NRG4: variants seen among roughly 807,000 people sequenced by gnomAD.
NRG4 encodes pro-neuregulin-4, membrane-bound isoform.
Under a neutral mutation model 15.0 loss-of-function variants are expected in NRG4, and 10 were observed. That is an observed-to-expected ratio of 0.67 (90% CI 0.41 to 1.13). The LOEUF (loss-of-function observed/expected upper bound fraction) is 1.13, where lower values mean the gene tolerates loss of function less well. NRG4 is among the 50% of genes most tolerant of loss of function. NRG4 has a pLI of 0.00. For synonymous variants in NRG4, 41 were observed against 50.1 expected (o/e 0.82, Z 0.77); for missense variants, 139 against 140.2 (o/e 0.99, Z 0.04).
intron 3 of NRG4, among the ~76,000 whole-genome samples, chr15:75,995,022 C>T (rs2034159237): frequency 6.6e-6 from 1 of 151,806 alleles, no homozygotes; most frequent in South Asian, 2.1e-4. Flanking sequence ...GACTCTGTCT[C>T]TACAATAAAT....
intron 4 of NRG4, among the ~76,000 whole-genome samples, chr15:75,959,845 A>T (rs2032430433): frequency 6.6e-6 from 1 of 152,098 alleles, no homozygotes; most frequent in Admixed American, 6.6e-5. Flanking sequence ...GTCAGTAGTG[A>T]TGTGTGTCAC....
At chr15:76,054,663 A>AT (rs944162151) in intron 2 of NRG4, among the ~76,000 whole-genome samples, 7 of 152,064 alleles carry the variant, frequency 4.6e-5, no homozygotes, top group Admixed American at 1.3e-4. Flanking sequence ...CAGAGGGATC[A>AT]TTTTTTTATT....
intron 4 of NRG4, chr15:76,036,093 T>A (rs1401358892): frequency 6.6e-6 from 1 of 152,210 alleles, no homozygotes; most frequent in African/African-American, 2.4e-5. Flanking sequence ...CATATTAGGT[T>A]TATAAGGTTG....
intron 3 of NRG4, among the ~76,000 whole-genome samples, chr15:75,984,990 A>C (rs1423087775): frequency 6.6e-6 from 1 of 152,048 alleles, no homozygotes; most frequent in Non-Finnish European, 1.5e-5. Context: ...GACTACAGGC[A>C]CGCCTCACCA....
At chr15:75,981,976 C>T (rs996331532) in intron 3 of NRG4, among the ~76,000 whole-genome samples, 2 of 151,578 alleles carry the variant, frequency 1.3e-5, no homozygotes, top group Non-Finnish European at 2.9e-5. Context: ...GACTGATTTA[C>T]AGAGAAGAAA....
chr15:75,943,653 A>T lies in NRG4; in HGVS notation c.333T>A (p.Ser111Arg), dbSNP rs2031224325. The T allele has an allele frequency of 6.4e-7, 1 of 1,570,438 alleles. No individual in the cohort carries two copies. Among genetic ancestry groups the T allele is most frequent in the African/African-American group, 1.3e-5 (1 of 74,100 alleles). ...TGACGTTTCTTCAGTGTTGTTCATG[A>T]CCTGTGAAAAATAAGTAAGAATTAA... ...VETSSTSAHH[S>R]HEQH The change falls in exon 6 of 6, where the codon AGT becomes AGA. Residue 111 changes from serine to arginine, a missense_variant and splice_region_variant. Physicochemically the swap from Ser to Arg is moderately radical, Grantham distance 110. Transcript: ENST00000394907.
At chr15:75,944,053 A>C (rs1393057785) in intron 5 of NRG4, among the ~76,000 whole-genome samples, 1 of 151,812 alleles carries the variant, frequency 6.6e-6, no homozygotes, top group Admixed American at 6.5e-5. Context: ...AATGACAATA[A>C]TAGATGGCAA....
chr15:76,037,534 C>T (rs1301486215), intron 4 of NRG4, among the ~76,000 whole-genome samples: 1 of 152,178 alleles, frequency 6.6e-6, no homozygotes, highest in Non-Finnish European at 1.5e-5. Context: ...AATCACCCAT[C>T]CCAGCAGCTG....
chr15:76,055,415 G>T (rs1011897171), intron 2 of NRG4, among the ~76,000 whole-genome samples: 1 of 152,132 alleles, frequency 6.6e-6, no homozygotes, highest in Non-Finnish European at 1.5e-5. Context: ...AAGTAATCAA[G>T]TTCTGTCTCT....
intron 3 of NRG4, among the ~76,000 whole-genome samples, chr15:76,007,633 G>T (rs917189141): frequency 1.3e-5 from 2 of 152,064 alleles, no homozygotes; most frequent in East Asian, 3.9e-4. Context: ...GTTTCACCGT[G>T]TTAGCCAGGG....
rs2034398619 is a variant in NRG4, at chr15:76,001,148, G to A, written c.104+8052C>T. On this transcript the variant is annotated intron_variant, in intron 3 of 5. Coordinates refer to ENST00000394907, the MANE Select transcript of NRG4 (RefSeq NM_138573.4). Reference sequence around the variant, plus strand: ...CTGTCAGCACACGCCACCACACCTGGTATTTTTTTTGTTTTGTTTTGTTTG... The same window carrying A: ...CTGTCAGCACACGCCACCACACCTGATATTTTTTTTGTTTTGTTTTGTTTG... 2.6e-5 allele frequency among the ~76,000 whole-genome samples: 4 copies of A among 151,824 alleles called. No individual in the cohort carries two copies. The South Asian group carries it at 8.3e-4, about 32-fold the overall frequency.
upstream of NRG4, among the ~76,000 whole-genome samples, chr15:76,014,157 G>A (rs115399605): frequency 0.013 from 1,969 of 152,252 alleles, 39 homozygotes; most frequent in African/African-American, 0.046. Flanking sequence ...AAGACTGTCT[G>A]TTCATATCCT....
At chr15:75,995,381 G>A (rs1468301248) in intron 3 of NRG4, among the ~76,000 whole-genome samples, 1 of 151,980 alleles carries the variant, frequency 6.6e-6, no homozygotes, top group Non-Finnish European at 1.5e-5. Context: ...AGAGAGAAAA[G>A]GGGAAGACCA....
chr15:76,005,825 AAG>A (rs1330576224), intron 3 of NRG4: 2 of 411,674 alleles, frequency 4.9e-6, no homozygotes, highest in East Asian at 7.1e-5. Context: ...GAGGAGGAGA[AAG>A]AGGAGGAGTT....
intron 2 of NRG4, among the ~76,000 whole-genome samples, chr15:76,054,985 T>G (rs750995268): frequency 1.5e-4 from 23 of 151,970 alleles, no homozygotes; most frequent in Non-Finnish European, 2.8e-4. Context: ...TTGAATTCAA[T>G]TATTCAAGAG....
chr15:75,941,990 A>C lies in NRG4; in HGVS notation c.*1648T>G, dbSNP rs190650850. The C allele has an allele frequency of 3.2e-3, 465 of 143,508 alleles. 1 individual carries two copies. Among genetic ancestry groups the C allele is most frequent in the African/African-American group, 0.011 (445 of 38,872 alleles). 8.9% of individuals were successfully genotyped at this position (143,508 alleles called of 1,614,324 possible). On this transcript the variant is annotated 3_prime_UTR_variant, in exon 6 of 6. Transcript: ENST00000394907. ...GGCCTAGCTTTTTTTTTTTTTTTTA[A>C]AAAGGGCAGGGGGTGGGGTATTTAG...
At chr15:76,025,154 C>T (rs964711167) in intron 5 of NRG4, among the ~76,000 whole-genome samples, 3 of 152,132 alleles carry the variant, frequency 2.0e-5, no homozygotes, top group Non-Finnish European at 2.9e-5. Flanking sequence ...TATAGATAGA[C>T]AGGGGCTGGG....
intron 5 of NRG4, among the ~76,000 whole-genome samples, chr15:76,018,748 G>A: frequency 6.6e-6 from 1 of 152,190 alleles, no homozygotes; most frequent in East Asian, 1.9e-4. Context: ...GAGCTCTCCT[G>A]TATGAGGTGT....
intron 3 of NRG4, among the ~76,000 whole-genome samples, chr15:75,993,694 T>C (rs918181530): frequency 1.4e-5 from 2 of 148,064 alleles, no homozygotes; most frequent in Non-Finnish European, 3.0e-5. Context: ...TGAGACTCAC[T>C]CTCAAAAAAA....
Sources: gnomAD v4.1 joint callset for allele counts (sites outside exome capture counted in the v4.1 genomes callset) on GRCh38, gnomAD v4.1.1 for gene constraint, MANE v1.5 for transcripts, NCBI Gene and HGNC (gene_info 2026-07-23, HGNC 2026-07-21) for gene names.